Variants in WDFY3 observed in about 807,000 individuals in gnomAD.
WDFY3 encodes WD repeat and FYVE domain containing 3.
WDFY3 carries 66 observed loss-of-function variants against 409.6 expected under a neutral mutation model. The observed-to-expected ratio is 0.16, with a 90% CI of 0.13 to 0.20. WDFY3 has a LOEUF of 0.20. WDFY3 is among the 10% of genes least tolerant of loss of function. The probability of loss-of-function intolerance (pLI) is 1.00; values close to 1 mark genes in which losing one functional copy is unlikely to be tolerated. For missense variants in WDFY3, 3,031 were observed against 4,298.1 expected, an observed-to-expected ratio of 0.71 and a Z score of 8.24; for synonymous variants, 1,521 against 1,537.1, an observed-to-expected ratio of 0.99 and a Z score of 0.25.
intron 1 of WDFY3, among the ~76,000 whole-genome samples, chr4:84,939,414 T>C (rs555430556): frequency 2.5e-4 from 38 of 152,150 alleles, no homozygotes; most frequent in Non-Finnish European, 5.1e-4. Flanking sequence ...TGTGGGGTGA[T>C]GCTTTAAGAC....
intron 2 of WDFY3, among the ~76,000 whole-genome samples, chr4:84,927,068 C>T (rs2150921502): frequency 6.6e-6 from 1 of 152,218 alleles, no homozygotes; most frequent in African/African-American, 2.4e-5. Context: ...TTAAAAATGT[C>T]TCAACATTTC....
chr4:84,817,916 C>A (rs970625508), intron 12 of WDFY3, among the ~76,000 whole-genome samples: 1 of 152,078 alleles, frequency 6.6e-6, no homozygotes, highest in African/African-American at 2.4e-5. Flanking sequence ...ATGTAAAAGG[C>A]TTTCAGAGGA....
Position 84,910,697 on chromosome 4 carries a change from C to T in WDFY3, c.-131-13687G>A, listed in dbSNP as rs116094630. Among the ~76,000 whole-genome samples the T allele has an allele frequency of 5.1e-3, 778 of 151,992 alleles. 5 individuals are homozygous for T. The highest frequency in any genetic ancestry group is 0.018 in the African/African-American group (731 of 41,500). On this transcript the variant is annotated intron_variant, in intron 2 of 67. Transcript: ENST00000295888. ...TCTTACCAAAAAAAATGGGCAACTC[C>T]TCAATGTTTTTTGTTGGTTTGTTTT...
intron 35 of WDFY3, among the ~76,000 whole-genome samples, chr4:84,753,148 GA>G (rs1372539587): frequency 2.0e-5 from 3 of 152,272 alleles, no homozygotes; most frequent in African/African-American, 4.8e-5. Context: ...AAGAACAAAA[GA>G]GTATCTATAC....
chr4:84,761,103 T>C (rs1358505595), intron 32 of WDFY3, among the ~76,000 whole-genome samples: 3 of 152,148 alleles, frequency 2.0e-5, no homozygotes, highest in Non-Finnish European at 4.4e-5. Context: ...AGTTTCCATG[T>C]AGTTGAGCGG....
rs1309157048 is a variant in WDFY3, at chr4:84,785,973, G to C, written c.4062+6C>G. 6.2e-7 allele frequency: 1 copy of C among 1,613,466 alleles called. No homozygotes were observed. Among genetic ancestry groups the C allele is most frequent in the East Asian group, 2.2e-5 (1 of 44,836 alleles). ...CCATAGTACACCAAGAAATCATTCT[G>C]CTTACCTGCTTAGCAATGGCTTTGC... On this transcript the variant is annotated splice_donor_region_variant and intron_variant, in intron 24 of 67. Transcript: ENST00000295888.
chr4:84,944,510 C>A (rs1310335827), intron 1 of WDFY3, among the ~76,000 whole-genome samples: 1 of 151,524 alleles, frequency 6.6e-6, no homozygotes, highest in Non-Finnish European at 1.5e-5. Context: ...CCAGCCTGGG[C>A]GAGAGTCAGA....
chr4:84,705,468 T>A lies in WDFY3; in HGVS notation c.8261A>T (p.Lys2754Met), dbSNP rs760944922. 30 of 1,613,964 alleles carry A rather than the reference T, an allele frequency of 1.9e-5. No individual in the cohort carries two copies. The highest frequency in any genetic ancestry group is 4.0e-5 in the African/African-American group (3 of 74,944). Residue 2754 changes from lysine to methionine, a missense_variant, in exon 54 of 68, where the codon AAG (lysine) becomes ATG (methionine). Lys to Met is a moderately conservative substitution (Grantham distance 95). Transcript: ENST00000295888. ...TTCATCTGTTTGTGCTCCCATTGGCTTAGCCAGGTTTCTAAACGTCTTGGG... is the reference window on the plus strand; with the variant it reads ...TTCATCTGTTTGTGCTCCCATTGGCATAGCCAGGTTTCTAAACGTCTTGGG... ...TNPKTFRNLAKPMGAQTDERL... is the reference protein window; with the variant it reads ...TNPKTFRNLAMPMGAQTDERL...
chr4:84,757,724 A>G (rs1203462430), intron 32 of WDFY3, among the ~76,000 whole-genome samples: 1 of 152,214 alleles, frequency 6.6e-6, no homozygotes, highest in Non-Finnish European at 1.5e-5. Flanking sequence ...GACTACAGAC[A>G]TGAGCTACCA....
At chr4:84,891,668 A>T (rs1442606586) in intron 3 of WDFY3, among the ~76,000 whole-genome samples, 2 of 152,178 alleles carry the variant, frequency 1.3e-5, no homozygotes, top group Non-Finnish European at 2.9e-5. Context: ...ATATAATGGG[A>T]AAGAAAATCT....
intron 1 of WDFY3, among the ~76,000 whole-genome samples, chr4:84,955,959 G>T (rs1357324665): frequency 3.3e-5 from 5 of 151,850 alleles, no homozygotes; most frequent in East Asian, 3.9e-4. Flanking sequence ...AAGTTAATGT[G>T]CAGATAAACA....
Position 84,787,637 on chromosome 4 carries a change from A to G in WDFY3, c.3746T>C (p.Ile1249Thr), listed in dbSNP as rs1747786377. ...TTGGCGTTGGGCAGGTGGAGTACCA[A>G]TGTAGGCATAGACCGTGCTCACCAC... ...PPVVSTVYAY[I>T]GTPPAQRQIA... The change falls in exon 23 of 68, where the codon ATT becomes ACT. Residue 1249 changes from isoleucine (I) to threonine (T), a missense_variant. Transcript: ENST00000295888. 6.2e-7 allele frequency: 1 copy of G among 1,614,156 alleles called. No individual in the cohort carries two copies. The highest frequency in any genetic ancestry group is 1.3e-5 in the African/African-American group (1 of 75,044).
intron 2 of WDFY3, among the ~76,000 whole-genome samples, chr4:84,902,482 T>C (rs1415341040): frequency 6.6e-6 from 1 of 152,208 alleles, no homozygotes; most frequent in African/African-American, 2.4e-5. Flanking sequence ...CCATTGTGCA[T>C]AATTAACAGA....
intron 19 of WDFY3, among the ~76,000 whole-genome samples, chr4:84,795,393 T>C (rs953716011): frequency 1.3e-5 from 2 of 152,202 alleles, no homozygotes; most frequent in Admixed American, 6.5e-5. Flanking sequence ...TGACCCATGA[T>C]AATATTCTTA....
intron 2 of WDFY3, among the ~76,000 whole-genome samples, chr4:84,919,083 T>TA (rs984735082): frequency 2.6e-5 from 4 of 151,942 alleles, no homozygotes; most frequent in East Asian, 1.9e-4. Flanking sequence ...ATGACTTGCT[T>TA]AAAAAAATGA....
rs879185886 is a variant in WDFY3 at position 84,691,846 on chromosome 4, T to C, written c.9050-61A>G. Reference sequence around the variant, plus strand: ...AGGAAAAACTAATGTCATTATCTCATAGAGCATGATAATTTCAAATATTCA... The same window carrying C: ...AGGAAAAACTAATGTCATTATCTCACAGAGCATGATAATTTCAAATATTCA... On this transcript the variant is annotated intron_variant, in intron 59 of 67. Coordinates refer to ENST00000295888, the MANE Select transcript of WDFY3 (RefSeq NM_014991.6). 2.4e-5 allele frequency: 34 copies of C among 1,416,086 alleles called. No individual in the cohort carries two copies. The Middle Eastern group carries it at 6.0e-4, about 25-fold the overall frequency. The allele number at this position is 1,416,086 out of a possible 1,614,324, so 87.7% of individuals were successfully genotyped here.
At chr4:84,860,030 T>C (rs1023458991) in intron 4 of WDFY3, among the ~76,000 whole-genome samples, 2 of 152,214 alleles carry the variant, frequency 1.3e-5, no homozygotes, top group Non-Finnish European at 2.9e-5. Context: ...CTTTTTAAAG[T>C]ATACAAAGGG....
intron 37 of WDFY3, among the ~76,000 whole-genome samples, chr4:84,742,237 C>T (rs1438535695): frequency 1.3e-5 from 2 of 152,090 alleles, no homozygotes; most frequent in African/African-American, 4.8e-5. Context: ...TGAGAGAAAA[C>T]GGGCCAGTTT....
chr4:84,717,144 TA>T lies in WDFY3; in HGVS notation c.7755-129del, dbSNP rs556270037. 2.1e-3 allele frequency: 2,194 copies of T among 1,046,652 alleles called. 3 individuals carry two copies. Among genetic ancestry groups the T allele is most frequent in the Non-Finnish European group, 2.6e-3 (2,060 of 802,262 alleles). 64.8% of individuals were successfully genotyped at this position (1,046,652 alleles called of 1,614,324 possible). Reference sequence around the variant, plus strand: ...AGTAATATATATCAGAATTTTCAGTTAAAAAATATATTTACAAGAAGAATTT... The same window carrying T: ...AGTAATATATATCAGAATTTTCAGTTAAAAATATATTTACAAGAAGAATTT... On this transcript the variant is annotated intron_variant, in intron 48 of 67. Coordinates refer to ENST00000295888, the MANE Select transcript of WDFY3 (RefSeq NM_014991.6).
Sources: gnomAD v4.1 joint callset for allele counts (sites outside exome capture counted in the v4.1 genomes callset) on GRCh38, gnomAD v4.1.1 for gene constraint, MANE v1.5 for transcripts, NCBI Gene and HGNC (gene_info 2026-07-23, HGNC 2026-07-21) for gene names.